Variants in TMEM135 observed in about 807,000 individuals in gnomAD.
The protein encoded by TMEM135 is peroxisomal membrane protein 52.
A neutral mutation model predicts 60.3 loss-of-function variants in TMEM135; 30 were observed. The observed-to-expected ratio is 0.50, with a 90% CI of 0.37 to 0.68. TMEM135 has a LOEUF of 0.68. Ranked by LOEUF, TMEM135 falls within the 30% of genes least tolerant of loss-of-function variation. The probability of loss-of-function intolerance (pLI) is 0.00; values close to 1 mark genes in which losing one functional copy is unlikely to be tolerated. For missense variants in TMEM135, 468 were observed against 548.8 expected (o/e 0.85, Z 1.47); for synonymous variants, 190 against 186.7 (o/e 1.02, Z -0.14).
chr11:87,071,490 A>G lies in TMEM135; in HGVS notation c.270-33A>G, dbSNP rs780023231. On this transcript the variant is annotated intron_variant, in intron 2 of 14. Coordinates refer to ENST00000305494, the MANE Select transcript of TMEM135 (RefSeq NM_022918.4). ...TAATAACTGAAGTGACCAACTAGGAATTTCATACAAAAATTCCAAATTTGA... is the reference window on the plus strand; with the variant it reads ...TAATAACTGAAGTGACCAACTAGGAGTTTCATACAAAAATTCCAAATTTGA... The G allele has an allele frequency of 2.6e-6, 4 of 1,560,832 alleles. No homozygotes were observed. The South Asian group carries it at 3.3e-5, about 13-fold the overall frequency.
intron 6 of TMEM135, among the ~76,000 whole-genome samples, chr11:87,255,036 G>T (rs985998150): frequency 6.6e-6 from 1 of 152,142 alleles, no homozygotes; most frequent in African/African-American, 2.4e-5. Flanking sequence ...CCAAAGGATT[G>T]GGATAATGAT....
At chr11:87,070,041 T>C (rs1442827680) in intron 2 of TMEM135, among the ~76,000 whole-genome samples, 1 of 151,302 alleles carries the variant, frequency 6.6e-6, no homozygotes, top group Non-Finnish European at 1.5e-5. Flanking sequence ...GGCATGGTAG[T>C]GTGCCCGTAG....
rs558214802 is a variant in TMEM135, at chr11:87,140,258, G to A, written c.397-17083G>A. Reference sequence around the variant, plus strand: ...AATTTTTTGTATTTTTAGTAGAGATGGGGTTTCACCCTGTTAGCCAGGATG... The same window carrying A: ...AATTTTTTGTATTTTTAGTAGAGATAGGGTTTCACCCTGTTAGCCAGGATG... On this transcript the variant is annotated intron_variant, in intron 4 of 14. Transcript: ENST00000305494. 3.3e-5 allele frequency among the ~76,000 whole-genome samples: 5 copies of A among 151,812 alleles called. No homozygotes were observed. In the South Asian group the frequency reaches 1.0e-3, roughly 32 times the overall value.
chr11:87,130,429 G>A (rs1186189313), intron 4 of TMEM135, among the ~76,000 whole-genome samples: 2 of 152,168 alleles, frequency 1.3e-5, no homozygotes, highest in South Asian at 4.1e-4. Flanking sequence ...TGAAAGTAAT[G>A]TTCTATTGAG....
intron 5 of TMEM135, among the ~76,000 whole-genome samples, chr11:87,188,327 C>A (rs1341128016): frequency 6.6e-6 from 1 of 152,148 alleles, no homozygotes. Context: ...TATAGCCTAG[C>A]TTTCTGTATT....
At chr11:87,150,531 A>G (rs898695494) in intron 4 of TMEM135, among the ~76,000 whole-genome samples, 4 of 152,248 alleles carry the variant, frequency 2.6e-5, no homozygotes, top group African/African-American at 7.2e-5. Flanking sequence ...ATAGTATTTA[A>G]TGTTTAACAT....
intron 1 of TMEM135, among the ~76,000 whole-genome samples, chr11:87,060,260 ATCT>A (rs1308364728): frequency 6.6e-6 from 1 of 152,116 alleles, no homozygotes; most frequent in African/African-American, 2.4e-5. Flanking sequence ...TTGTTTTTCC[ATCT>A]TCTTTCCTCT....
At chr11:87,134,550 A>T (rs1466634865) in intron 4 of TMEM135, among the ~76,000 whole-genome samples, 1 of 152,154 alleles carries the variant, frequency 6.6e-6, no homozygotes, top group Non-Finnish European at 1.5e-5. Context: ...TAGCATTATC[A>T]CATCTCACTG....
chr11:87,044,883 G>A (rs1478074876), intron 1 of TMEM135, among the ~76,000 whole-genome samples: 2 of 151,838 alleles, frequency 1.3e-5, no homozygotes, highest in African/African-American at 2.4e-5. Flanking sequence ...TCCTGACCTC[G>A]TGATCCACCC....
intron 6 of TMEM135, among the ~76,000 whole-genome samples, chr11:87,283,989 TA>T (rs1204234364): frequency 2.0e-5 from 3 of 152,248 alleles, no homozygotes; most frequent in African/African-American, 7.2e-5. Context: ...TTGAGGTCTT[TA>T]AAAAATAGAT....
chr11:87,191,600 T>C (rs7936404), intron 5 of TMEM135, among the ~76,000 whole-genome samples: 2,365 of 152,266 alleles, frequency 0.016, 62 homozygotes, highest in African/African-American at 0.053. Context: ...TAGATTCTAC[T>C]ACCTTTGGAA....
chr11:87,078,703 T>A (rs1319314287), intron 3 of TMEM135, among the ~76,000 whole-genome samples: 1 of 152,048 alleles, frequency 6.6e-6, no homozygotes, highest in East Asian at 1.9e-4. Context: ...AACCTCCACC[T>A]CCTGGGTTAA....
intron 5 of TMEM135, among the ~76,000 whole-genome samples, chr11:87,183,054 A>G (rs1341542536): frequency 6.6e-6 from 1 of 151,942 alleles, no homozygotes; most frequent in Non-Finnish European, 1.5e-5. Flanking sequence ...CTATTGATTG[A>G]AGCTGAAAGC....
At chr11:87,070,410 C>T (rs1413579947) in intron 2 of TMEM135, among the ~76,000 whole-genome samples, 6 of 151,842 alleles carry the variant, frequency 4.0e-5, no homozygotes, top group South Asian at 4.2e-4. Flanking sequence ...TTTGGGGGGC[C>T]GAGGCAGATG....
At chr11:87,071,712 A>G (rs1856776240) in intron 3 of TMEM135, 97 bp downstream of exon 3, 2 of 732,058 alleles carry the variant, frequency 2.7e-6, no homozygotes, top group Non-Finnish European at 4.4e-6. Flanking sequence ...GGGATGAGAA[A>G]TATTTCTAGA....
chr11:87,167,178 T>A (rs1939076974), intron 5 of TMEM135, among the ~76,000 whole-genome samples: 1 of 152,230 alleles, frequency 6.6e-6, no homozygotes. Context: ...CTTTGCTAAG[T>A]TGCCTGTCAG....
chr11:87,295,674 T>C (rs1415091716), intron 6 of TMEM135, 108 bp from the exon 7 acceptor site: 2 of 861,998 alleles, frequency 2.3e-6, no homozygotes, highest in Non-Finnish European at 3.7e-6. Context: ...GTTCAGATTT[T>C]TGCCTTAAGA....
At chr11:87,044,970 A>G (rs989232342) in intron 1 of TMEM135, among the ~76,000 whole-genome samples, 1 of 150,728 alleles carries the variant, frequency 6.6e-6, no homozygotes, top group African/African-American at 2.4e-5. Flanking sequence ...TTTTAAATGA[A>G]CAATTGAATA....
At chr11:87,205,712 C>G (rs1352813517) in intron 5 of TMEM135, among the ~76,000 whole-genome samples, 1 of 152,122 alleles carries the variant, frequency 6.6e-6, no homozygotes, top group African/African-American at 2.4e-5. Context: ...ATGAATAAGA[C>G]AGTGTCTCGT....
Sources: allele counts gnomAD v4.1 joint callset (sites outside exome capture counted in the v4.1 genomes callset), GRCh38; gene constraint gnomAD v4.1.1; transcripts MANE v1.5; gene names NCBI Gene and HGNC (gene_info 2026-07-23, HGNC 2026-07-21).